The following CNTNAP3B variants were observed in gnomAD, a reference collection of about 807,000 sequenced individuals.
CNTNAP3B encodes contactin associated protein family member 3B, also known as contactin-associated protein-like 3B.
Under a neutral mutation model 108.9 loss-of-function variants are expected in CNTNAP3B, and 25 were observed. The ratio of observed to expected loss-of-function variants is 0.23; its 90% CI spans 0.17 to 0.32. The LOEUF (loss-of-function observed/expected upper bound fraction) is 0.32. CNTNAP3B is among the 10% of genes least tolerant of loss of function. CNTNAP3B has a pLI of 1.00. For synonymous variants in CNTNAP3B, 103 were observed against 473.4 expected (o/e 0.22, Z 10.16); for missense variants, 252 against 1,210.4 (o/e 0.21, Z 11.75).
rs1826591071 is a variant in CNTNAP3B at position 42,034,833 on chromosome 9, GT to G, written c.391-21309del. The stretch of plus-strand genomic sequence containing the variant: ...TAACTGCTGTTGCAATTGTTGAATA[GT>G]TGTTTATGGACCATCTCTCAACATT... On this transcript the variant is annotated intron_variant, in intron 3 of 23. Transcript: ENST00000377561. Among the ~76,000 whole-genome samples, 2 of 89,850 alleles carry G rather than the reference GT, an allele frequency of 2.2e-5. 1 individual carries two copies. Among genetic ancestry groups the G allele is most frequent in the African/African-American group, 8.5e-5 (2 of 23,536 alleles). The allele number at this position is 89,850 out of a possible 152,430, so 58.9% of individuals were successfully genotyped here.
chr9:41,925,317 G>C (rs1199733294), intron 15 of CNTNAP3B, among the ~76,000 whole-genome samples: 1 of 152,106 alleles, frequency 6.6e-6, no homozygotes, highest in East Asian at 1.9e-4. Flanking sequence ...TTCTCGGCTA[G>C]GCGCAGTGGC....
At chr9:42,035,615 A>G (rs2118494461) in intron 3 of CNTNAP3B, among the ~76,000 whole-genome samples, 1 of 149,228 alleles carries the variant, frequency 6.7e-6, no homozygotes, top group Non-Finnish European at 1.5e-5. Flanking sequence ...CCTGACACAT[A>G]GTACACACAA....
At chr9:42,016,798 T>C (rs1826223823) in intron 3 of CNTNAP3B, among the ~76,000 whole-genome samples, 1 of 150,928 alleles carries the variant, frequency 6.6e-6, no homozygotes, top group Non-Finnish European at 1.5e-5. Context: ...TCTTTCTTTG[T>C]AAAGTAGAAA....
At chr9:41,927,869 G>A (rs1823862803) in intron 15 of CNTNAP3B, among the ~76,000 whole-genome samples, 1 of 146,974 alleles carries the variant, frequency 6.8e-6, no homozygotes, top group South Asian at 2.2e-4. Flanking sequence ...AGGACAAAGA[G>A]ATTAAAGCCA....
At chr9:42,113,091 C>G (rs1385036520) in intron 1 of CNTNAP3B, among the ~76,000 whole-genome samples, 1 of 135,912 alleles carries the variant, frequency 7.4e-6, no homozygotes, top group Non-Finnish European at 1.6e-5. Context: ...GTTTGACGAT[C>G]TACTCTACAG....
At chr9:41,934,779 AAT>A (rs1404642807) in intron 14 of CNTNAP3B, among the ~76,000 whole-genome samples, 2,013 of 151,820 alleles carry the variant, frequency 0.013, 6 homozygotes, top group African/African-American at 0.033. Context: ...TTAAAAATCC[AAT>A]ATGATAAAAT....
chr9:41,939,351 C>A (rs1398962547), intron 13 of CNTNAP3B, among the ~76,000 whole-genome samples: 2,061 of 150,712 alleles, frequency 0.014, no homozygotes, highest in African/African-American at 0.048. Context: ...TTTCAAATTT[C>A]AATAGGTTGT....
At position 41,990,177 on chromosome 9, in the gene CNTNAP3B, C is replaced by T. The variant is rs1465346171; in HGVS notation, c.1333+1433G>A. Among the ~76,000 whole-genome samples the T allele has an allele frequency of 1.5e-5, 2 of 136,768 alleles. 1 individual carries two copies. The highest frequency in any genetic ancestry group is 3.1e-5 in the Non-Finnish European group (2 of 64,336). 89.7% of individuals were successfully genotyped at this position (136,768 alleles called of 152,430 possible). On this transcript the variant is annotated intron_variant, in intron 8 of 23. Transcript: ENST00000377561. ...ACTATTTCATTTCTACCTTGTGAAA[C>T]TGATTCACTATGTTGGTAGGCAATT...
At chr9:41,929,561 C>T in intron 14 of CNTNAP3B, 117 bp from the exon 15 acceptor site, 4 of 1,334,250 alleles carry the variant, frequency 3.0e-6, no homozygotes, top group East Asian at 5.3e-5. Context: ...GAATACTTAA[C>T]ATTTTCAATA....
At position 41,990,297 on chromosome 9, in the gene CNTNAP3B, G is replaced by A. The variant is rs981324911; in HGVS notation, c.1333+1313C>T. ...CATTCTGTATCTGTGTGTGGGTCAC[G>A]ATTTTAACCTTTCTTGGAAAAAATC... On this transcript the variant is annotated intron_variant, in intron 8 of 23. Transcript: ENST00000377561. Among the ~76,000 whole-genome samples, 71 of 131,700 alleles carry A rather than the reference G, an allele frequency of 5.4e-4. 7 individuals carry two copies. Among genetic ancestry groups the A allele is most frequent in the African/African-American group, 2.1e-3 (69 of 32,736 alleles). 86.4% of individuals were successfully genotyped at this position (131,700 alleles called of 152,430 possible).
At chr9:41,969,933 A>G (rs1825393611) in intron 10 of CNTNAP3B, 141 bp downstream of exon 10, 1 of 1,298,806 alleles carries the variant, frequency 7.7e-7, no homozygotes, top group African/African-American at 1.6e-5. Context: ...TCTAATCCTC[A>G]TAGTAATTAT....
At chr9:42,075,550 C>A (rs1178184122) in intron 3 of CNTNAP3B, among the ~76,000 whole-genome samples, 1 of 128,474 alleles carries the variant, frequency 7.8e-6, no homozygotes, top group Non-Finnish European at 1.6e-5. Flanking sequence ...GGCTAGTAAC[C>A]TTTCAGAGTA....
At chr9:42,090,653 T>C (rs1224518430) in intron 2 of CNTNAP3B, among the ~76,000 whole-genome samples, 2 of 112,354 alleles carry the variant, frequency 1.8e-5, no homozygotes, top group African/African-American at 3.5e-5. Context: ...ACTATGACTA[T>C]AGTCAGTATA....
rs531073984 is a variant in CNTNAP3B at position 42,042,004 on chromosome 9, C to G, written c.391-28479G>C. Among the ~76,000 whole-genome samples, 8 of 115,380 alleles carry G rather than the reference C, an allele frequency of 6.9e-5. No individual in the cohort carries two copies. In the South Asian group the frequency reaches 2.1e-3, roughly 31 times the overall value. 75.7% of individuals were successfully genotyped at this position (115,380 alleles called of 152,430 possible). ...AGCAAGGACAGAAAAGCAAACACCA[C>G]ATGTTCTCACTCATAGGTGGGAATT... On this transcript the variant is annotated intron_variant, in intron 3 of 23. Coordinates refer to ENST00000377561, the MANE Select transcript of CNTNAP3B (RefSeq NM_001201380.3).
chr9:41,954,676 T>A (rs1824801237), intron 12 of CNTNAP3B, among the ~76,000 whole-genome samples: 1 of 152,268 alleles, frequency 6.6e-6, no homozygotes, highest in Non-Finnish European at 1.5e-5. Context: ...TTATTTTAGA[T>A]TTTTTATTTA....
chr9:42,037,475 T>C (rs1487811262), intron 3 of CNTNAP3B, among the ~76,000 whole-genome samples: 2 of 129,334 alleles, frequency 1.5e-5, no homozygotes. Context: ...AAGAACCACA[T>C]GACGCATGTA....
intron 13 of CNTNAP3B, among the ~76,000 whole-genome samples, chr9:41,946,636 A>G (rs920921390): frequency 2.0e-5 from 1 of 51,208 alleles, no homozygotes; most frequent in African/African-American, 7.3e-5. Flanking sequence ...GGAGAAATAA[A>G]TGATACCAAT....
At chr9:41,959,272 TTAGAG>T (rs1428355193) in intron 12 of CNTNAP3B, among the ~76,000 whole-genome samples, 8 of 151,810 alleles carry the variant, frequency 5.3e-5, no homozygotes, top group Admixed American at 3.9e-4. Flanking sequence ...TTTCAAGCTA[TTAGAG>T]TAGTTTGAAA....
At chr9:41,958,294 A>G (rs1043375206) in intron 12 of CNTNAP3B, among the ~76,000 whole-genome samples, 1 of 152,304 alleles carries the variant, frequency 6.6e-6, no homozygotes, top group Non-Finnish European at 1.5e-5. Context: ...TGTTGTCACA[A>G]TGCTGTTTTG....
Sources: allele counts gnomAD v4.1 joint callset (sites outside exome capture counted in the v4.1 genomes callset), GRCh38; gene constraint gnomAD v4.1.1; transcripts MANE v1.5; gene names NCBI Gene and HGNC (gene_info 2026-07-23, HGNC 2026-07-21).